The following ZNF19 variants were observed in gnomAD, a reference collection of about 807,000 sequenced individuals.
ZNF19 encodes the protein zinc finger protein 19, also known as zinc finger protein 19 (KOX 12).
A neutral mutation model predicts 13.1 loss-of-function variants in ZNF19; 11 were observed. That is an observed-to-expected ratio of 0.84 (90% CI 0.53 to 1.39). The LOEUF (loss-of-function observed/expected upper bound fraction) is 1.39. Among genes scored for constraint, ZNF19 ranks in the 40% most tolerant of loss-of-function variants. The pLI, the probability that ZNF19 is intolerant of heterozygous loss-of-function variation, is 0.00. For missense variants in ZNF19, 560 were observed against 547.0 expected (o/e 1.02, Z -0.24); for synonymous variants, 186 against 187.0 (o/e 0.99, Z 0.04).
intron 3 of ZNF19, among the ~76,000 whole-genome samples, chr16:71,479,847 G>A (rs2043626701): frequency 6.6e-6 from 1 of 151,606 alleles, no homozygotes; most frequent in Non-Finnish European, 1.5e-5. Context: ...AGGTTGGAGT[G>A]CAGTGGCACA....
rs774532473 is a variant in ZNF19, at chr16:71,475,744, G to T, written c.803C>A (p.Thr268Asn). ...SEFVIHQRIHTGEKPYECNEC... is the reference protein window; with the variant it reads ...SEFVIHQRIHNGEKPYECNEC... ...ATTACACTCATAGGGTTTCTCCCCA[G>T]TGTGGATTCTCTGATGTATAACAAA... Residue 268 changes from threonine to asparagine, a missense_variant, in exon 6 of 6, where the codon ACT becomes AAT. By Grantham distance (65) the Thr-to-Asn change is moderately conservative. Coordinates refer to ENST00000288177, the MANE Select transcript of ZNF19 (RefSeq NM_006961.4). 28 of 1,613,974 alleles carry T rather than the reference G, an allele frequency of 1.7e-5. No individual in the cohort carries two copies. The African/African-American group carries it at 1.9e-4, about 11-fold the overall frequency.
chr16:71,478,347 A>AAC lies in ZNF19; in HGVS notation c.161-8_161-7dup. 1 of 1,603,164 alleles carries AAC rather than the reference A, an allele frequency of 6.2e-7. No individual in the cohort carries two copies. The highest frequency in any genetic ancestry group is 8.5e-7 in the Non-Finnish European group (1 of 1,170,682). On this transcript the variant is annotated splice_polypyrimidine_tract_variant and splice_region_variant and intron_variant, in intron 4 of 5. Coordinates refer to ENST00000288177, the MANE Select transcript of ZNF19 (RefSeq NM_006961.4). ...AGGTTTGGGAACTGGGTACCCTGAA[A>AAC]ACAGGAAGAAAATGGTACTTTTCAG...
intron 2 of ZNF19, among the ~76,000 whole-genome samples, chr16:71,483,353 C>T (rs746739752): frequency 2.0e-5 from 3 of 152,232 alleles, no homozygotes; most frequent in Non-Finnish European, 4.4e-5. Context: ...ATCTTCCCTA[C>T]AGGGACTTAA....
intron 4 of ZNF19, 55 bp downstream of exon 4, chr16:71,478,824 A>G (rs2043618760): frequency 2.5e-6 from 4 of 1,592,474 alleles, no homozygotes; most frequent in Non-Finnish European, 3.4e-6. Flanking sequence ...GCTGTAAAAG[A>G]AGGAAGGAAA....
At chr16:71,484,478 G>T in intron 2 of ZNF19, 111 bp downstream of exon 2, 2 of 978,730 alleles carry the variant, frequency 2.0e-6, no homozygotes. Context: ...TCCCGGAGGG[G>T]CCGCCCTGTC....
At chr16:71,478,762 T>G in intron 4 of ZNF19, 117 bp downstream of exon 4, 1 of 1,400,754 alleles carries the variant, frequency 7.1e-7, no homozygotes, top group Non-Finnish European at 9.7e-7. Flanking sequence ...AGTCACTCAG[T>G]GGAGGACACA....
intron 1 of ZNF19, among the ~76,000 whole-genome samples, chr16:71,488,786 C>T (rs545029683): frequency 1.3e-5 from 2 of 152,170 alleles, no homozygotes; most frequent in African/African-American, 2.4e-5. Context: ...GTGACAAGAG[C>T]GAGACTTCGT....
chr16:71,477,244 C>T (rs1489841921), intron 5 of ZNF19, among the ~76,000 whole-genome samples: 3 of 152,114 alleles, frequency 2.0e-5, no homozygotes, highest in African/African-American at 7.2e-5. Flanking sequence ...GGAGAGTAAT[C>T]TGAGATTGAA....
chr16:71,479,623 T>G (rs1172631276), intron 3 of ZNF19, among the ~76,000 whole-genome samples: 1 of 152,166 alleles, frequency 6.6e-6, no homozygotes, highest in Non-Finnish European at 1.5e-5. Context: ...ACTCTGCTCC[T>G]TGATGGCTTT....
chr16:71,479,416 A>G (rs1165362519), intron 3 of ZNF19, among the ~76,000 whole-genome samples: 1 of 152,170 alleles, frequency 6.6e-6, no homozygotes, highest in Non-Finnish European at 1.5e-5. Context: ...GGTACTCCCT[A>G]TTCTCAGCCA....
In ZNF19 at chr16:71,478,889, C is replaced by G; in HGVS notation, c.150G>C (p.Leu50=). ...GGAAAATGGCCTTACCCAAAGCAGT[C>G]AGGTTCCCAAAATTCTCCAACATCA... ...RSVMLENFGN[L]TALGYPVPKP... is the part of the protein sequence containing the mutation. The change falls in exon 4 of 6, where the codon CTG becomes CTC. Residue 50 remains leucine, a synonymous_variant. Coordinates refer to ENST00000288177, the MANE Select transcript of ZNF19 (RefSeq NM_006961.4). The G allele has an allele frequency of 6.2e-7, 1 of 1,614,098 alleles. No individual in the cohort carries two copies. The highest frequency in any genetic ancestry group is 1.1e-5 in the South Asian group (1 of 91,070).
intron 2 of ZNF19, 31 bp downstream of exon 2, chr16:71,484,558 G>A: frequency 1.0e-6 from 1 of 985,428 alleles, no homozygotes; most frequent in Non-Finnish European, 1.2e-6. Context: ...AGCCTAGCAA[G>A]GACTCCTAGG....
chr16:71,484,377 C>T (rs1204703102), intron 2 of ZNF19, among the ~76,000 whole-genome samples: 1 of 152,236 alleles, frequency 6.6e-6, no homozygotes, highest in African/African-American at 2.4e-5. Context: ...TATCCACAGC[C>T]TCCATTTCCC....
chr16:71,481,973 G>C, intron 3 of ZNF19, 109 bp downstream of exon 3: 2 of 1,182,452 alleles, frequency 1.7e-6, no homozygotes, highest in East Asian at 2.4e-5. Flanking sequence ...GGAATCAGCA[G>C]GGGTTTTCCT....
rs966173586 is a variant in ZNF19, at chr16:71,489,313, G to C, written c.-231C>G. ...AAAACAGGCCAGAAGCGCACCGCTA[G>C]CGAGAACGGTTAGGAGGCCGGAAGT... On this transcript the variant is annotated 5_prime_UTR_variant, in exon 1 of 6. Coordinates refer to ENST00000288177, the MANE Select transcript of ZNF19 (RefSeq NM_006961.4). 6.1e-6 allele frequency: 6 copies of C among 985,354 alleles called. No individual in the cohort carries two copies. The highest frequency in any genetic ancestry group is 3.5e-5 in the African/African-American group (2 of 57,260). The allele number at this position is 985,354 out of a possible 1,614,324, so 61.0% of individuals were successfully genotyped here.
intron 1 of ZNF19, among the ~76,000 whole-genome samples, chr16:71,485,045 A>G (rs938233649): frequency 6.6e-6 from 1 of 152,148 alleles, no homozygotes; most frequent in African/African-American, 2.4e-5. Context: ...ATTCTAAAAA[A>G]CTGTTTAATT....
rs1039947285 is a variant in ZNF19, at chr16:71,478,737, G to A, written c.160+142C>T. 16 of 1,242,120 alleles carry A rather than the reference G, an allele frequency of 1.3e-5. No individual in the cohort carries two copies. In the African/African-American group the frequency reaches 2.3e-4, roughly 18 times the overall value. The allele number at this position is 1,242,120 out of a possible 1,614,324, so 76.9% of individuals were successfully genotyped here. A position where few individuals can be genotyped will look rare whatever the true frequency, so the allele number is the denominator to read the frequency against. On this transcript the variant is annotated intron_variant, in intron 4 of 5. Coordinates refer to ENST00000288177, the MANE Select transcript of ZNF19 (RefSeq NM_006961.4). ...CCAGCAATCTTTGAAGTTGGTCACT[G>A]AGCCTCAGCTCTGCAGTCACTCAGT...
At position 71,476,040 on chromosome 16, in the gene ZNF19, G is replaced by A. The variant is rs1342126129; in HGVS notation, c.507C>T (p.Ser169=). 6.2e-7 allele frequency: 1 copy of A among 1,614,162 alleles called. No homozygotes were observed. The highest frequency in any genetic ancestry group is 8.5e-7 in the Non-Finnish European group (1 of 1,180,020). Residue 169 remains serine (S), a synonymous_variant, in exon 6 of 6, where the codon TCC becomes TCT. Coordinates refer to ENST00000288177, the MANE Select transcript of ZNF19 (RefSeq NM_006961.4). ...TAGCATAGTAAGAAAAGTAGCTGAA[G>A]GATTTCCCACACTCCTCACATATGA... The part of the protein sequence containing the change: ...KPFICEECGK[S]FSYFSYYARH...
intron 3 of ZNF19, among the ~76,000 whole-genome samples, chr16:71,481,671 C>T (rs1299627578): frequency 1.3e-5 from 2 of 152,146 alleles, no homozygotes; most frequent in South Asian, 2.1e-4. Flanking sequence ...ATTAGATAGG[C>T]CCCCTCTTTC....
Sources: allele counts gnomAD v4.1 joint callset (sites outside exome capture counted in the v4.1 genomes callset), GRCh38; gene constraint gnomAD v4.1.1; transcripts MANE v1.5; gene names NCBI Gene and HGNC (gene_info 2026-07-23, HGNC 2026-07-21).